CHL1: variants seen among roughly 807,000 people sequenced by gnomAD.
CHL1 encodes cell adhesion molecule L1 like, also known as neural cell adhesion molecule L1-like protein.
Under a neutral mutation model 141.9 loss-of-function variants are expected in CHL1, and 96 were observed. That is an observed-to-expected ratio of 0.68 (90% CI 0.57 to 0.80). The LOEUF is 0.80. CHL1 is among the 30% of genes least tolerant of loss of function. The pLI is 0.00. For synonymous variants in CHL1, 613 were observed against 502.2 expected (o/e 1.22, Z -2.95); for missense variants, 1,820 against 1,457.2 (o/e 1.25, Z -4.05).
intron 9 of CHL1, 40 bp from the exon 10 acceptor site, chr3:349,319 C>T: frequency 2.6e-6 from 4 of 1,545,956 alleles, no homozygotes; most frequent in Non-Finnish European, 3.5e-6. Context: ...TTACTTTCCG[C>T]TTTTAAAAAA....
intron 15 of CHL1, among the ~76,000 whole-genome samples, chr3:368,997 C>G (rs555370263): frequency 6.6e-6 from 1 of 152,168 alleles, no homozygotes; most frequent in African/African-American, 2.4e-5. Flanking sequence ...GTTACTGTCG[C>G]CTTGTAGTGT....
At chr3:237,141 GT>G (rs1246934845) in intron 1 of CHL1, among the ~76,000 whole-genome samples, 2 of 152,150 alleles carry the variant, frequency 1.3e-5, no homozygotes, top group African/African-American at 2.4e-5. Context: ...TAATCCCCAT[GT>G]GTTGGGGGAA....
chr3:256,838 G>A (rs1287356226), intron 2 of CHL1, among the ~76,000 whole-genome samples: 1 of 152,166 alleles, frequency 6.6e-6, no homozygotes, highest in African/African-American at 2.4e-5. Flanking sequence ...ACTGAGTGAT[G>A]GCATGATTTG....
chr3:341,983 G>A lies in CHL1; in HGVS notation c.580G>A (p.Glu194Lys). The A allele has an allele frequency of 6.2e-7, 1 of 1,613,606 alleles. No homozygotes were observed. Among genetic ancestry groups the A allele is most frequent in the Non-Finnish European group, 8.5e-7 (1 of 1,179,622 alleles). ...GGGAGATCTATACTTCGCAAACGTG[G>A]AAGAAAAGGACAGTCGCAATGACTA... Reference protein sequence around the residue: ...QKGDLYFANVEEKDSRNDYCC... With the variant: ...QKGDLYFANVKEKDSRNDYCC... Residue 194 changes from glutamate (E) to lysine (K), a missense_variant, in exon 7 of 28, where the codon GAA (glutamate) becomes AAA (lysine). Physicochemically the swap from Glu to Lys is moderately conservative, Grantham distance 56 (BLOSUM62 1). Transcript: ENST00000256509.
At chr3:224,152 A>G (rs1364052540) in intron 1 of CHL1, among the ~76,000 whole-genome samples, 2 of 152,038 alleles carry the variant, frequency 1.3e-5, no homozygotes, top group Non-Finnish European at 2.9e-5. Flanking sequence ...GCCTTTTATT[A>G]CTTTTACAAA....
intron 1 of CHL1, among the ~76,000 whole-genome samples, chr3:203,501 C>A (rs1699136363): frequency 6.6e-6 from 1 of 152,178 alleles, no homozygotes. Flanking sequence ...GATCCTACTC[C>A]AAAGAGGTAA....
At chr3:338,065 C>G (rs1263245317) in intron 5 of CHL1, among the ~76,000 whole-genome samples, 1 of 152,086 alleles carries the variant, frequency 6.6e-6, no homozygotes, top group Non-Finnish European at 1.5e-5. Context: ...GGGGTTTCAC[C>G]ATGTTAGCCA....
At chr3:373,327 GC>G (rs1160471579) in intron 15 of CHL1, among the ~76,000 whole-genome samples, 1 of 152,224 alleles carries the variant, frequency 6.6e-6, no homozygotes, top group African/African-American at 2.4e-5. Context: ...CTGCAGGGAA[GC>G]CCCACCCAAG....
intron 26 of CHL1, 87 bp downstream of exon 26, chr3:399,235 C>T: frequency 9.4e-7 from 1 of 1,064,994 alleles, no homozygotes; most frequent in Non-Finnish European, 1.4e-6. Context: ...TTTAAAAATA[C>T]ACATTCAAGT....
At chr3:350,502 G>A (rs1031153082) in intron 10 of CHL1, among the ~76,000 whole-genome samples, 1 of 152,092 alleles carries the variant, frequency 6.6e-6, no homozygotes, top group African/African-American at 2.4e-5. Flanking sequence ...CTACAATTTA[G>A]TGAACTAGTG....
chr3:330,274 T>C (rs1331845826), intron 5 of CHL1, among the ~76,000 whole-genome samples: 1 of 152,150 alleles, frequency 6.6e-6, no homozygotes, highest in Non-Finnish European at 1.5e-5. Flanking sequence ...AAATAGAATA[T>C]ATTTTGAAGT....
chr3:274,404 G>A (rs1171613628), intron 2 of CHL1, among the ~76,000 whole-genome samples: 2 of 152,140 alleles, frequency 1.3e-5, no homozygotes, highest in Non-Finnish European at 2.9e-5. Context: ...GTTGAACCAT[G>A]CTCAAAAAAA....
intron 1 of CHL1, among the ~76,000 whole-genome samples, chr3:218,617 C>T (rs994821968): frequency 1.3e-5 from 2 of 152,130 alleles, no homozygotes; most frequent in African/African-American, 4.8e-5. Flanking sequence ...TAAATGTGTT[C>T]TTCTTCTATA....
At chr3:398,980 C>A (rs188991347) in intron 25 of CHL1, 37 bp from the exon 26 acceptor site, 7 of 1,597,382 alleles carry the variant, frequency 4.4e-6, no homozygotes, top group Non-Finnish European at 6.0e-6. Flanking sequence ...AAGACTGTTT[C>A]TAGTTTACAA....
chr3:331,743 C>T (rs1409143867), intron 5 of CHL1, among the ~76,000 whole-genome samples: 1 of 152,048 alleles, frequency 6.6e-6, no homozygotes, highest in Non-Finnish European at 1.5e-5. Flanking sequence ...TTTTACAAAT[C>T]TTTATAAAAA....
intron 18 of CHL1, 48 bp downstream of exon 18, chr3:382,719 C>A: frequency 1.3e-6 from 2 of 1,524,102 alleles, no homozygotes; most frequent in South Asian, 1.1e-5. Flanking sequence ...TTGTTTGTCC[C>A]CATCTTTGAA....
At chr3:243,023 G>A (rs1692813271) in intron 1 of CHL1, among the ~76,000 whole-genome samples, 1 of 152,128 alleles carries the variant, frequency 6.6e-6, no homozygotes, top group Non-Finnish European at 1.5e-5. Flanking sequence ...ATTTTGAAGA[G>A]ATGTCTTAGA....
intron 22 of CHL1, 26 bp from the exon 23 acceptor site, chr3:391,649 T>C: frequency 6.4e-7 from 1 of 1,558,818 alleles, no homozygotes; most frequent in Non-Finnish European, 8.7e-7. Context: ...TTGATGTGAG[T>C]TTATTTTTGG....
At chr3:344,493 G>A (rs374729894) in intron 8 of CHL1, 96 bp from the exon 9 acceptor site, 62 of 708,116 alleles carry the variant, frequency 8.8e-5, no homozygotes, top group Middle Eastern at 4.2e-4. Flanking sequence ...ACACACACTC[G>A]TGTGTCGGAT....
Sources: gnomAD v4.1 joint callset for allele counts (sites outside exome capture counted in the v4.1 genomes callset) on GRCh38, gnomAD v4.1.1 for gene constraint, MANE v1.5 for transcripts, NCBI Gene and HGNC (gene_info 2026-07-23, HGNC 2026-07-21) for gene names.